GSE1: variants seen among roughly 807,000 people sequenced by gnomAD.
GSE1 encodes the protein genetic suppressor element 1.
Under a neutral mutation model 112.6 loss-of-function variants are expected in GSE1, and 32 were observed. The observed-to-expected ratio is 0.28, with a 90% CI of 0.21 to 0.38. The LOEUF (loss-of-function observed/expected upper bound fraction) is 0.38. Among genes scored for constraint, GSE1 ranks in the 10% least tolerant of loss-of-function variants. The probability of loss-of-function intolerance (pLI) is 1.00; values close to 1 mark genes in which losing one functional copy is unlikely to be tolerated. For synonymous variants in GSE1, 1,115 were observed against 735.6 expected (o/e 1.52, Z -8.35); for missense variants, 2,348 against 1,699.2 (o/e 1.38, Z -6.71).
intron 2 of GSE1, among the ~76,000 whole-genome samples, chr16:85,634,491 C>T (rs2049820610): frequency 6.6e-6 from 1 of 152,180 alleles, no homozygotes; most frequent in Non-Finnish European, 1.5e-5. Flanking sequence ...GAGAGCTGGG[C>T]CCCAGTGCTC....
intron 1 of GSE1, among the ~76,000 whole-genome samples, chr16:85,199,920 CTG>C (rs2074997661): frequency 6.6e-6 from 1 of 152,096 alleles, no homozygotes; most frequent in African/African-American, 2.4e-5. Context: ...TGGATGGCCA[CTG>C]TGGGATGTGG....
At chr16:85,632,855 C>T (rs76506676) in intron 1 of GSE1, among the ~76,000 whole-genome samples, 9 of 152,238 alleles carry the variant, frequency 5.9e-5, no homozygotes, top group East Asian at 1.9e-4. Flanking sequence ...GGCGTCTCTG[C>T]GGGGGAGGGA....
At chr16:85,527,555 C>A (rs1028199801) in intron 2 of GSE1, among the ~76,000 whole-genome samples, 1 of 152,282 alleles carries the variant, frequency 6.6e-6, no homozygotes, top group Non-Finnish European at 1.5e-5. Flanking sequence ...GAGGCGGTTA[C>A]TTCCTACGCA....
chr16:85,259,352 C>T (rs995280377), intron 1 of GSE1, among the ~76,000 whole-genome samples: 1 of 152,330 alleles, frequency 6.6e-6, no homozygotes, highest in South Asian at 2.1e-4. Flanking sequence ...CGCCCCTTCC[C>T]TCCGTGCTCC....
intron 1 of GSE1, among the ~76,000 whole-genome samples, chr16:85,337,293 TTTTC>T (rs2046513172): frequency 1.3e-5 from 2 of 149,586 alleles, no homozygotes; most frequent in Admixed American, 6.6e-5. Flanking sequence ...GGACTTTTTT[TTTTC>T]TTTTCTTTTC....
At chr16:85,587,711 C>T (rs1216481407) in intron 1 of GSE1, among the ~76,000 whole-genome samples, 3 of 151,988 alleles carry the variant, frequency 2.0e-5, no homozygotes, top group African/African-American at 7.3e-5. Flanking sequence ...CCAGCTGTTC[C>T]TCAGGGAGCC....
intron 2 of GSE1, among the ~76,000 whole-genome samples, chr16:85,467,899 C>T (rs913132513): frequency 6.6e-6 from 1 of 152,224 alleles, no homozygotes; most frequent in African/African-American, 2.4e-5. Flanking sequence ...TGAATGTTAG[C>T]ACATCTCTGA....
At chr16:85,572,461 C>A (rs2046043765) in intron 1 of GSE1, among the ~76,000 whole-genome samples, 1 of 100,526 alleles carries the variant, frequency 9.9e-6, no homozygotes, top group East Asian at 4.1e-4. Flanking sequence ...ATACCACACA[C>A]ACAACACACA....
Position 85,668,270 on chromosome 16 carries a change from T to G in GSE1, c.3261T>G (p.Thr1087=). The change falls in exon 14 of 16, where the codon ACT becomes ACG. Residue 1087 remains threonine, a synonymous_variant. Transcript: ENST00000253458. ...PQHNGQQEPP[T]ARKGPPTQEL... is the part of the protein sequence containing the mutation. ...ACAATGGGCAGCAGGAGCCCCCCAC[T>G]GCAAGGAAGGGCCCCCCAACCCAGG... 1 of 1,612,938 alleles carries G rather than the reference T, an allele frequency of 6.2e-7. No homozygotes were observed. The highest frequency in any genetic ancestry group is 1.1e-5 in the South Asian group (1 of 91,040).
At chr16:85,383,260 T>C (rs904922090) in intron 2 of GSE1, among the ~76,000 whole-genome samples, 1 of 151,374 alleles carries the variant, frequency 6.6e-6, no homozygotes, top group African/African-American at 2.4e-5. Context: ...TGTCACACAC[T>C]TGAGCATACA....
chr16:85,618,772 C>T (rs531390400), intron 1 of GSE1, among the ~76,000 whole-genome samples: 9 of 152,342 alleles, frequency 5.9e-5, no homozygotes, highest in African/African-American at 2.2e-4. Context: ...ATCCTGCTGC[C>T]GCAGCCTCCT....
At chr16:85,283,705 A>T (rs1245387866) in intron 1 of GSE1, 1 of 152,252 alleles carries the variant, frequency 6.6e-6, no homozygotes, top group Non-Finnish European at 1.5e-5. Context: ...AACAGTATTT[A>T]TGGCTGTTGA....
Position 85,663,494 on chromosome 16 carries a change from A to C in GSE1, c.2524A>C (p.Arg842=), listed in dbSNP as rs779988841. ...GAGCAAGCGGCAGACGCCTTCACCG[A>C]GACTGGCGCTGTCTACCCGCTACAG... ...IQSKRQTPSP[R]LALSTRYSPD... The change falls in exon 11 of 16, where the codon AGA becomes CGA. Residue 842 remains arginine (R), a synonymous_variant. Transcript: ENST00000253458. 1 of 1,613,946 alleles carries C rather than the reference A, an allele frequency of 6.2e-7. No homozygotes were observed. Among genetic ancestry groups the C allele is most frequent in the East Asian group, 2.2e-5 (1 of 44,888 alleles).
chr16:85,634,417 C>G (rs1211606453), intron 2 of GSE1, among the ~76,000 whole-genome samples: 1 of 152,176 alleles, frequency 6.6e-6, no homozygotes, highest in African/African-American at 2.4e-5. Context: ...CCTACCAGCT[C>G]TGTGACTTGA....
upstream of GSE1, chr16:85,555,897 C>G (rs1208421296): frequency 8.1e-6 from 7 of 863,460 alleles, no homozygotes; most frequent in African/African-American, 9.4e-5. Context: ...CACCTCCCCC[C>G]TTTATTTTTC....
intron 13 of GSE1, chr16:85,666,647 T>C: frequency 2.6e-6 from 1 of 391,522 alleles, no homozygotes; most frequent in East Asian, 5.6e-5. Context: ...GCATTGGTTT[T>C]TGCAGAGATT....
intron 1 of GSE1, among the ~76,000 whole-genome samples, chr16:85,314,898 A>G (rs1365234340): frequency 2.0e-5 from 3 of 152,154 alleles, no homozygotes; most frequent in East Asian, 3.9e-4. Flanking sequence ...CCGTGTGTTG[A>G]TCAAGTGACA....
rs980165059 is a variant in GSE1 at position 85,187,336 on chromosome 16, A to G, written c.2283+15529A>G. ...CTTGGCTGGTGGAAGGGACAGAGCGACGCTGGGCAGTGCTGGGGGCAGCTT... is the reference window on the plus strand; with the variant it reads ...CTTGGCTGGTGGAAGGGACAGAGCGGCGCTGGGCAGTGCTGGGGGCAGCTT... On this transcript the variant is annotated intron_variant, in intron 1 of 2. Transcript: ENST00000637419. 3.9e-5 allele frequency among the ~76,000 whole-genome samples: 6 copies of G among 152,212 alleles called. No individual in the cohort carries two copies. The South Asian group carries it at 1.2e-3, about 31-fold the overall frequency.
intron 1 of GSE1, among the ~76,000 whole-genome samples, chr16:85,253,623 G>A (rs560725476): frequency 2.0e-5 from 3 of 152,338 alleles, no homozygotes; most frequent in African/African-American, 7.2e-5. Context: ...GCCACTGGTC[G>A]GAGCTCCAGG....
Sources: allele counts gnomAD v4.1 joint callset (sites outside exome capture counted in the v4.1 genomes callset), GRCh38; gene constraint gnomAD v4.1.1; transcripts MANE v1.5; gene names NCBI Gene and HGNC (gene_info 2026-07-23, HGNC 2026-07-21).